Variants in RNF207 observed in about 807,000 individuals in gnomAD.
RNF207 encodes ring finger protein 207.
RNF207 carries 72 observed loss-of-function variants against 79.0 expected under a neutral mutation model. That is an observed-to-expected ratio of 0.91 (90% confidence interval 0.75 to 1.11). RNF207 has a LOEUF of 1.11. Among genes scored for constraint, RNF207 ranks in the 50% least tolerant of loss-of-function variants. The pLI, the probability that RNF207 is intolerant of heterozygous loss-of-function variation, is 0.00. For missense variants in RNF207, 936 were observed against 855.8 expected, an observed-to-expected ratio of 1.09 and a Z score of -1.17; for synonymous variants, 348 against 366.2, an observed-to-expected ratio of 0.95 and a Z score of 0.57.
chr1:6,213,643 T>G (rs1668261649), intron 16 of RNF207, among the ~76,000 whole-genome samples: 2 of 152,160 alleles, frequency 1.3e-5, no homozygotes, highest in African/African-American at 2.4e-5. Context: ...TTTCTGCTTT[T>G]AGGCTCAGAG....
At chr1:6,206,823 G>T in intron 2 of RNF207, 97 bp downstream of exon 2, 2 of 989,434 alleles carry the variant, frequency 2.0e-6, no homozygotes, top group Non-Finnish European at 3.0e-6. Context: ...AGGAGAGTAA[G>T]GCTCCAACTT....
In RNF207 at chr1:6,220,119, T is replaced by C. The variant is rs2100952017; in HGVS notation, c.*712T>C. On this transcript the variant is annotated 3_prime_UTR_variant, in exon 18 of 18. Transcript: ENST00000377939. Reference sequence around the variant, plus strand: ...GGCCGGTTATTTCTTTAAAAGGTAATCATTTGTCAAGAGTAAAACCCAGAA... The same window carrying C: ...GGCCGGTTATTTCTTTAAAAGGTAACCATTTGTCAAGAGTAAAACCCAGAA... The C allele has an allele frequency of 6.6e-6, 1 of 152,258 alleles. No homozygotes were observed. Among genetic ancestry groups the C allele is most frequent in the African/African-American group, 2.4e-5 (1 of 41,528 alleles). 9.4% of individuals were successfully genotyped at this position (152,258 alleles called of 1,614,324 possible).
intron 2 of RNF207, 33 bp downstream of exon 2, chr1:6,206,759 G>A: frequency 1.3e-6 from 2 of 1,568,034 alleles, no homozygotes; most frequent in Non-Finnish European, 1.7e-6. Context: ...AAACCCCCCA[G>A]ACCCCATCCC....
chr1:6,208,705 C>T (rs1026485657), intron 3 of RNF207, 176 bp from the exon 4 acceptor site: 5 of 627,918 alleles, frequency 8.0e-6, no homozygotes, highest in South Asian at 2.0e-5. Context: ...GCAGTGCCCT[C>T]CTCTGTAAAG....
chr1:6,209,611 G>C, intron 7 of RNF207, 72 bp downstream of exon 7: 3 of 1,398,672 alleles, frequency 2.1e-6, no homozygotes, highest in Non-Finnish European at 2.8e-6. Context: ...CCTTGCCCTT[G>C]TGGATTTCCA....
intron 17 of RNF207, 106 bp downstream of exon 17, chr1:6,218,475 G>C: frequency 1.2e-6 from 1 of 802,808 alleles, no homozygotes; most frequent in Non-Finnish European, 2.0e-6. Context: ...CCAGCTCTGG[G>C]GCCCTGGCTG....
At chr1:6,214,076 T>C (rs1235273076) in intron 16 of RNF207, among the ~76,000 whole-genome samples, 2 of 152,204 alleles carry the variant, frequency 1.3e-5, no homozygotes, top group African/African-American at 4.8e-5. Context: ...AATGTCTCCA[T>C]TCTAGCTTCA....
chr1:6,206,737 C>T lies in RNF207; in HGVS notation c.191+11C>T. ...CTGCCCGCTGTGCCAGTAAGTGTCC[C>T]AAAGTTCCCCAAAACCCCCCAGACC... On this transcript the variant is annotated intron_variant, in intron 2 of 17. Transcript: ENST00000377939. 3 of 1,597,934 alleles carry T rather than the reference C, an allele frequency of 1.9e-6. No individual in the cohort carries two copies. The highest frequency in any genetic ancestry group is 1.7e-6 in the Non-Finnish European group (2 of 1,178,892).
In RNF207 at chr1:6,211,131, C is replaced by G; in HGVS notation, c.1109+13C>G. ...GTGGTGCTAACACGTGAGCAGCAACCGGGGAGGCCAGGCACAAGGTCCCCA... is the reference window on the plus strand; with the variant it reads ...GTGGTGCTAACACGTGAGCAGCAACGGGGGAGGCCAGGCACAAGGTCCCCA... On this transcript the variant is annotated intron_variant, in intron 12 of 17. Coordinates refer to ENST00000377939, the MANE Select transcript of RNF207 (RefSeq NM_207396.3). The surrounding 1 kb of genome is among the most constrained non-coding windows in gnomAD (Gnocchi z 4.2). 6.4e-7 allele frequency: 1 copy of G among 1,556,886 alleles called. No individual in the cohort carries two copies. Among genetic ancestry groups the G allele is most frequent in the Non-Finnish European group, 8.7e-7 (1 of 1,153,122 alleles).
In RNF207 at chr1:6,218,236, G is replaced by A. The variant is rs375576585; in HGVS notation, c.1653-53G>A. 3.4e-4 allele frequency: 430 copies of A among 1,269,880 alleles called. 5 individuals carry two copies. The Middle Eastern group carries it at 7.5e-3, about 22-fold the overall frequency. 78.7% of individuals were successfully genotyped at this position (1,269,880 alleles called of 1,614,324 possible). Reference sequence around the variant, plus strand: ...TTCTGAGGTTTCTGAGCTTAAGGCCGTGCAGCAGCTGGCTCTGCTCCCTTG... The same window carrying A: ...TTCTGAGGTTTCTGAGCTTAAGGCCATGCAGCAGCTGGCTCTGCTCCCTTG... On this transcript the variant is annotated intron_variant, in intron 16 of 17. Coordinates refer to ENST00000377939, the MANE Select transcript of RNF207 (RefSeq NM_207396.3).
At position 6,206,190 on chromosome 1, in the gene RNF207, C is replaced by G. The variant is rs758768877; in HGVS notation, c.-113C>G. 68 of 262,244 alleles carry G rather than the reference C, an allele frequency of 2.6e-4. 1 individual carries two copies. In the Admixed American group the frequency reaches 2.7e-3, roughly 11 times the overall value. The allele number at this position is 262,244 out of a possible 1,614,324, so 16.2% of individuals were successfully genotyped here. A position where few individuals can be genotyped will look rare whatever the true frequency, so the allele number is the denominator to read the frequency against. On this transcript the variant is annotated 5_prime_UTR_variant, in exon 1 of 18. Transcript: ENST00000377939. ...TGAACTTCCAGGGCCGGCTACTCCTCGGCAGAGCGACCGCGCGGTGTCTCA... is the reference window on the plus strand; with the variant it reads ...TGAACTTCCAGGGCCGGCTACTCCTGGGCAGAGCGACCGCGCGGTGTCTCA...
In RNF207 at chr1:6,207,831, C is replaced by G. The variant is rs947892154; in HGVS notation, c.324+320C>G. On this transcript the variant is annotated intron_variant, in intron 3 of 17. Transcript: ENST00000377939. This position sits in a 1 kb window ranked among gnomAD's most constrained non-coding sequence, Gnocchi z 4.5. ...GGCAGTCCAGTTTGCAGGCCTGGGC[C>G]GACCCTGAAGGGCCTCTGCTACCCA... 1 of 544,004 alleles carries G rather than the reference C, an allele frequency of 1.8e-6. No individual in the cohort carries two copies. The highest frequency in any genetic ancestry group is 2.3e-5 in the Admixed American group (1 of 42,780). The allele number at this position is 544,004 out of a possible 1,614,324, so 33.7% of individuals were successfully genotyped here.
Position 6,217,452 on chromosome 1 carries a change from C to T in RNF207, c.1653-837C>T, listed in dbSNP as rs1451423769. Among the ~76,000 whole-genome samples, 1 of 152,192 alleles carries T rather than the reference C, an allele frequency of 6.6e-6. No individual in the cohort carries two copies. The highest frequency in any genetic ancestry group is 2.4e-5 in the African/African-American group (1 of 41,450). ...GCTCCAGACTCATCTCCCACTGCCC[C>T]CTTCCTGGGCAGCCCTACCTGGATG... On this transcript the variant is annotated intron_variant, in intron 16 of 17. Transcript: ENST00000377939. The surrounding 1 kb of genome is among the most constrained non-coding windows in gnomAD (Gnocchi z 4.2).
At chr1:6,208,716 T>G in intron 3 of RNF207, 165 bp from the exon 4 acceptor site, 1 of 648,572 alleles carries the variant, frequency 1.5e-6, no homozygotes, top group Non-Finnish European at 2.5e-6. Flanking sequence ...CTCTGTAAAG[T>G]GGGTATATCA....
rs1020174665 is a variant in RNF207, at chr1:6,219,230, C to G, written c.1734-6C>G. ...GGGCTGGGCTTACATGAGGCTGTCC[C>G]TTTAGGAATAATCCAGGAAGTGTCC... On this transcript the variant is annotated splice_region_variant and splice_polypyrimidine_tract_variant and intron_variant, in intron 17 of 17. Transcript: ENST00000377939. 1 of 1,604,788 alleles carries G rather than the reference C, an allele frequency of 6.2e-7. No individual in the cohort carries two copies. Among genetic ancestry groups the G allele is most frequent in the East Asian group, 2.2e-5 (1 of 44,764 alleles).
rs953993689 is a variant in RNF207 at position 6,206,301 on chromosome 1, G to C, written c.-2G>C. 6 of 466,324 alleles carry C rather than the reference G, an allele frequency of 1.3e-5. No homozygotes were observed. Among genetic ancestry groups the C allele is most frequent in the African/African-American group, 1.0e-4 (5 of 48,518 alleles). 28.9% of individuals were successfully genotyped at this position (466,324 alleles called of 1,614,324 possible). A position where few individuals can be genotyped will look rare whatever the true frequency, so the allele number is the denominator to read the frequency against. ...GTAGCTCCCAGCAAAGCGGCCCAGC[G>C]GGTAGGTACAAGGCCCCGCCCCTCG... is the stretch of plus-strand genomic sequence containing the variant. On this transcript the variant is annotated splice_region_variant and 5_prime_UTR_variant, in exon 1 of 18. Transcript: ENST00000377939.
chr1:6,213,112 G>A lies in RNF207; in HGVS notation c.1581G>A (p.Leu527=). 6.2e-7 allele frequency: 1 copy of A among 1,613,460 alleles called. No homozygotes were observed. The highest frequency in any genetic ancestry group is 1.1e-5 in the South Asian group (1 of 90,996). ...LLQLRQENAY[L]TTITKQITPY... Reference sequence around the variant, plus strand: ...AGCTGAGGCAGGAGAATGCCTACCTGACCACCATCACCAAGCAGATCACGC... The same window carrying A: ...AGCTGAGGCAGGAGAATGCCTACCTAACCACCATCACCAAGCAGATCACGC... Residue 527 remains leucine, a synonymous_variant, in exon 16 of 18, where the codon CTG becomes CTA. Transcript: ENST00000377939.
At chr1:6,206,466 C>A in intron 1 of RNF207, 70 bp from the exon 2 acceptor site, 1 of 1,234,054 alleles carries the variant, frequency 8.1e-7, no homozygotes, top group Non-Finnish European at 1.1e-6. Context: ...GGCGCCCGGG[C>A]AGAGGGGCCG....
rs1259647284 is a variant in RNF207, at chr1:6,207,076, G to C, written c.192-303G>C. On this transcript the variant is annotated intron_variant, in intron 2 of 17. Transcript: ENST00000377939. The surrounding 1 kb of genome is among the most constrained non-coding windows in gnomAD (Gnocchi z 4.5). The stretch of plus-strand genomic sequence containing the variant: ...CACAAAACCACAGTTTCAGTTATGT[G>C]GGCTCAAGGAACCCAGGAGTGGCTC... 6.6e-6 allele frequency among the ~76,000 whole-genome samples: 1 copy of C among 152,174 alleles called. No individual in the cohort carries two copies. Among genetic ancestry groups the C allele is most frequent in the Non-Finnish European group, 1.5e-5 (1 of 68,030 alleles).
Sources: allele counts gnomAD v4.1 joint callset (sites outside exome capture counted in the v4.1 genomes callset), GRCh38; gene constraint gnomAD v4.1.1; non-coding constraint Gnocchi (gnomAD v3.1); transcripts MANE v1.5; gene names NCBI Gene and HGNC (gene_info 2026-07-23, HGNC 2026-07-21).